CNTRL: variants seen among roughly 807,000 people sequenced by gnomAD.
The protein encoded by CNTRL is centriolin.
Under a neutral mutation model 303.7 loss-of-function variants are expected in CNTRL, and 233 were observed. The observed-to-expected ratio is 0.77, with a 90% CI of 0.69 to 0.86. CNTRL has a LOEUF of 0.86. Ranked by LOEUF, CNTRL falls within the 40% of genes least tolerant of loss-of-function variation. CNTRL has a pLI of 0.00. For synonymous variants in CNTRL, 900 were observed against 922.2 expected (o/e 0.98, Z 0.44); for missense variants, 2,524 against 2,650.6 (o/e 0.95, Z 1.05).
At chr9:121,094,812 A>G in intron 4 of CNTRL, 76 bp from the exon 5 acceptor site, 1 of 1,094,514 alleles carries the variant, frequency 9.1e-7, no homozygotes, top group Non-Finnish European at 1.3e-6. Flanking sequence ...ACAGACCCTG[A>G]TGCACATAAG....
chr9:121,158,202 G>C, intron 30 of CNTRL, 93 bp downstream of exon 30: 1 of 1,424,672 alleles, frequency 7.0e-7, no homozygotes, highest in Non-Finnish European at 9.5e-7. Flanking sequence ...AATAAATGCG[G>C]CTATGTATTA....
chr9:121,082,798 C>G (rs1014523745), intron 2 of CNTRL, among the ~76,000 whole-genome samples: 1 of 151,888 alleles, frequency 6.6e-6, no homozygotes, highest in Non-Finnish European at 1.5e-5. Flanking sequence ...GGTGAAACCC[C>G]GTCTCTACTA....
chr9:121,148,900 C>G, intron 24 of CNTRL, 39 bp downstream of exon 24: 1 of 1,571,322 alleles, frequency 6.4e-7, no homozygotes, highest in South Asian at 1.1e-5. Flanking sequence ...TTTCTCTTGC[C>G]CGTTTAATAA....
chr9:121,077,609 A>G (rs1006464661), intron 1 of CNTRL, among the ~76,000 whole-genome samples: 3 of 152,186 alleles, frequency 2.0e-5, no homozygotes, highest in African/African-American at 7.2e-5. Flanking sequence ...AAAGGACCTC[A>G]TGATAGTCTG....
chr9:121,123,062 A>G (rs1166123242), intron 12 of CNTRL, among the ~76,000 whole-genome samples: 2 of 152,196 alleles, frequency 1.3e-5, no homozygotes, highest in Non-Finnish European at 2.9e-5. Flanking sequence ...ATTTTCTTCT[A>G]AGAAACCTTT....
chr9:121,153,913 T>G (rs1259264647), intron 26 of CNTRL, among the ~76,000 whole-genome samples: 1 of 152,160 alleles, frequency 6.6e-6, no homozygotes, highest in Admixed American at 6.5e-5. Context: ...TGTTTGAAGG[T>G]TAGGCAGATG....
intron 26 of CNTRL, among the ~76,000 whole-genome samples, chr9:121,153,779 T>C (rs2052415401): frequency 6.6e-6 from 1 of 152,140 alleles, no homozygotes. Context: ...GACCCCAGGG[T>C]GGTAGGGAGG....
At chr9:121,144,721 C>T in intron 20 of CNTRL, 122 bp from the exon 21 acceptor site, 1 of 793,940 alleles carries the variant, frequency 1.3e-6, no homozygotes, top group Non-Finnish European at 2.2e-6. Context: ...GCTTGGATGT[C>T]CCTTTTCATG....
At chr9:121,130,337 C>CT (rs1302714879) in intron 14 of CNTRL, among the ~76,000 whole-genome samples, 37 of 152,162 alleles carry the variant, frequency 2.4e-4, no homozygotes, top group African/African-American at 8.9e-4. Context: ...AGAGATTCAA[C>CT]TTCTTCCTGG....
chr9:121,090,795 C>G (rs1170212883), intron 4 of CNTRL, among the ~76,000 whole-genome samples: 3 of 152,214 alleles, frequency 2.0e-5, no homozygotes, highest in African/African-American at 4.8e-5. Flanking sequence ...AAAACATTTA[C>G]TATTTGGCCT....
intron 42 of CNTRL, 72 bp from the exon 43 acceptor site, chr9:121,174,946 T>A: frequency 7.4e-7 from 1 of 1,348,004 alleles, no homozygotes; most frequent in Non-Finnish European, 1.1e-6. Flanking sequence ...ATCAAATGTA[T>A]GTGAGGAAGC....
chr9:121,104,969 C>T (rs2049393289), intron 7 of CNTRL, among the ~76,000 whole-genome samples: 1 of 152,190 alleles, frequency 6.6e-6, no homozygotes, highest in Admixed American at 6.5e-5. Flanking sequence ...CTCGGCCTCC[C>T]AAAGTGCTGG....
Position 121,100,976 on chromosome 9 carries a change from C to A in CNTRL, c.808+2404C>A, listed in dbSNP as rs1163813888. On this transcript the variant is annotated intron_variant, in intron 7 of 43. Transcript: ENST00000373855. ...AATAATAATGGGAGACTTTAACACC[C>A]CCCACTGTCAATGTTAGATCCACAA... 8.6e-5 allele frequency among the ~76,000 whole-genome samples: 13 copies of A among 151,668 alleles called. 1 individual carries two copies. Among genetic ancestry groups the A allele is most frequent in the Admixed American group, 8.6e-4 (13 of 15,168 alleles).
chr9:121,098,842 A>G (rs2049005854), intron 7 of CNTRL, among the ~76,000 whole-genome samples: 7 of 150,856 alleles, frequency 4.6e-5, no homozygotes. Context: ...AAAAAAAAAC[A>G]AAAACAAAGT....
chr9:121,158,399 G>C (rs2052687096), intron 30 of CNTRL, among the ~76,000 whole-genome samples: 1 of 151,676 alleles, frequency 6.6e-6, no homozygotes, highest in South Asian at 2.1e-4. Flanking sequence ...TGATAAGGGG[G>C]GATTTTGAGT....
In CNTRL at chr9:121,120,284, A is replaced by T. The variant is rs564056830; in HGVS notation, c.1650+1744A>T. On this transcript the variant is annotated intron_variant, in intron 12 of 43. Coordinates refer to ENST00000373855, the MANE Select transcript of CNTRL (RefSeq NM_007018.6). Reference sequence around the variant, plus strand: ...ATTTTTTTGTGGGCCAGCTAATTTCAATAAAGGATAACCTTATGACAGATA... The same window carrying T: ...ATTTTTTTGTGGGCCAGCTAATTTCTATAAAGGATAACCTTATGACAGATA... 4.2e-4 allele frequency among the ~76,000 whole-genome samples: 64 copies of T among 152,336 alleles called. 2 individuals carry two copies. The South Asian group carries it at 0.013, about 31-fold the overall frequency.
chr9:121,114,882 A>G (rs2049906332), intron 10 of CNTRL, among the ~76,000 whole-genome samples: 1 of 152,244 alleles, frequency 6.6e-6, no homozygotes, highest in African/African-American at 2.4e-5. Context: ...TTATAGTTCT[A>G]TACCATATAA....
intron 7 of CNTRL, among the ~76,000 whole-genome samples, chr9:121,099,017 AAAG>A (rs890592060): frequency 6.6e-5 from 10 of 152,120 alleles, no homozygotes; most frequent in Non-Finnish European, 1.0e-4. Context: ...TAAGGAAGTG[AAAG>A]AAGATTAGAG....
chr9:121,143,846 C>T, intron 19 of CNTRL, 57 bp from the exon 20 acceptor site: 2 of 1,410,620 alleles, frequency 1.4e-6, no homozygotes, highest in South Asian at 2.7e-5. Flanking sequence ...GAGCTTACAT[C>T]TGAATTCATT....
Sources: gnomAD v4.1 joint callset for allele counts (sites outside exome capture counted in the v4.1 genomes callset) on GRCh38, gnomAD v4.1.1 for gene constraint, MANE v1.5 for transcripts, NCBI Gene and HGNC (gene_info 2026-07-23, HGNC 2026-07-21) for gene names.